ITPR2: variants seen among roughly 807,000 people sequenced by gnomAD.
ITPR2 encodes the protein inositol 1,4,5-trisphosphate receptor type 2.
Under a neutral mutation model 317.1 loss-of-function variants are expected in ITPR2, and 207 were observed. The ratio of observed to expected loss-of-function variants is 0.65; its 90% CI spans 0.58 to 0.73. The LOEUF is 0.73. Among genes scored for constraint, ITPR2 ranks in the 30% least tolerant of loss-of-function variants. The pLI, the probability that ITPR2 is intolerant of heterozygous loss-of-function variation, is 0.00. For missense variants in ITPR2, 2,613 were observed against 3,284.0 expected, an observed-to-expected ratio of 0.80 and a Z score of 4.99; for synonymous variants, 1,156 against 1,149.1, an observed-to-expected ratio of 1.01 and a Z score of -0.12.
chr12:26,670,877 A>C (rs1286687511), intron 13 of ITPR2, among the ~76,000 whole-genome samples: 3 of 152,264 alleles, frequency 2.0e-5, no homozygotes, highest in Non-Finnish European at 4.4e-5. Context: ...GCTGAAAGCC[A>C]AGGCTCGAGA....
intron 34 of ITPR2, among the ~76,000 whole-genome samples, chr12:26,562,664 C>T (rs1025808507): frequency 2.0e-5 from 3 of 150,294 alleles, no homozygotes; most frequent in African/African-American, 4.9e-5. Flanking sequence ...TCAACCAAAA[C>T]AAAGTGCAGC....
intron 2 of ITPR2, among the ~76,000 whole-genome samples, chr12:26,766,718 C>G (rs1322626729): frequency 6.6e-6 from 1 of 152,094 alleles, no homozygotes; most frequent in Non-Finnish European, 1.5e-5. Context: ...CAGATTTACT[C>G]CTGTGTTTGC....
At chr12:26,519,444 C>T (rs1461937699) in intron 37 of ITPR2, among the ~76,000 whole-genome samples, 1 of 152,128 alleles carries the variant, frequency 6.6e-6, no homozygotes, top group Non-Finnish European at 1.5e-5. Context: ...TTTACAGATG[C>T]TGAAGAACCA....
At chr12:26,699,093 C>G (rs951914961) in intron 9 of ITPR2, among the ~76,000 whole-genome samples, 2 of 151,786 alleles carry the variant, frequency 1.3e-5, no homozygotes, top group Non-Finnish European at 2.9e-5. Context: ...TACCTTATGG[C>G]CCAAGTTTTC....
At chr12:26,540,955 T>C (rs997447960) in intron 37 of ITPR2, among the ~76,000 whole-genome samples, 6 of 152,062 alleles carry the variant, frequency 3.9e-5, no homozygotes, top group African/African-American at 1.4e-4. Context: ...TGTCTTATTA[T>C]AAGAACACAT....
At chr12:26,633,970 T>G (rs1946808232) in intron 21 of ITPR2, among the ~76,000 whole-genome samples, 1 of 152,212 alleles carries the variant, frequency 6.6e-6, no homozygotes, top group Admixed American at 6.5e-5. Flanking sequence ...GCCCAGACAA[T>G]TCTTTCCCCC....
rs1940742410 is a variant in ITPR2, at chr12:26,417,082, C to T, written c.7111-1584G>A. ...GGTTTTTATTATTCTGGATAAAAGA[C>T]TGACAATTGTGGGTACAACAGGGAA... On this transcript the variant is annotated intron_variant, in intron 50 of 56. Transcript: ENST00000381340. Among the ~76,000 whole-genome samples, 6 of 152,138 alleles carry T rather than the reference C, an allele frequency of 3.9e-5. No homozygotes were observed. The South Asian group carries it at 1.2e-3, about 32-fold the overall frequency.
chr12:26,507,853 C>CTGTGTGTGTGTG lies in ITPR2; in HGVS notation c.5074-12594_5074-12593insCACACACACACA, dbSNP rs541133629. Reference sequence around the variant, plus strand: ...TCAATGAATATCTCTCTACTCTTCTCTCTCTGTCTCTGTGTGTGTGTGTGT... The same window carrying CTGTGTGTGTGTG: ...TCAATGAATATCTCTCTACTCTTCTCTGTGTGTGTGTGTCTCTGTCTCTGTGTGTGTGTGTGT... On this transcript the variant is annotated intron_variant, in intron 37 of 56. Coordinates refer to ENST00000381340, the MANE Select transcript of ITPR2 (RefSeq NM_002223.4). 5.9e-3 allele frequency among the ~76,000 whole-genome samples: 631 copies of CTGTGTGTGTGTG among 107,404 alleles called. 5 individuals are homozygous for CTGTGTGTGTGTG. Among genetic ancestry groups the CTGTGTGTGTGTG allele is most frequent in the Non-Finnish European group, 1.0e-2 (447 of 44,756 alleles). The allele number at this position is 107,404 out of a possible 152,430, so 70.5% of individuals were successfully genotyped here. A position where few individuals can be genotyped will look rare whatever the true frequency, so the allele number is the denominator to read the frequency against.
chr12:26,516,285 G>GGAAAGGAAAGGAAAGGAAAGGAAAGGAAA (rs1943504362), intron 37 of ITPR2, among the ~76,000 whole-genome samples: 3 of 42,852 alleles, frequency 7.0e-5, no homozygotes, highest in Admixed American at 3.3e-4. Context: ...GGGAAGGGAA[G>GGAAAGGAAAGGAAAGGAAAGGAAAGGAAA]GGAAAGGAAA....
rs527542904 is a variant in ITPR2, at chr12:26,715,419, C to T, written c.735G>A (p.Ala245=). The change falls in exon 8 of 57, where the codon GCG becomes GCA. Residue 245 remains alanine (A), a synonymous_variant. Transcript: ENST00000381340. The part of the protein sequence containing the change: ...KGGDVVRLFH[A]EQEKFLTCDE... ...CACAAGTCAAAAACTTCTCTTGTTC[C>T]GCATGAAATAATCTAACAACGTCCC... 5.0e-6 allele frequency: 8 copies of T among 1,613,178 alleles called. No homozygotes were observed. Among genetic ancestry groups the T allele is most frequent in the South Asian group, 2.2e-5 (2 of 91,000 alleles).
At chr12:26,365,420 C>T (rs943835179) in intron 55 of ITPR2, among the ~76,000 whole-genome samples, 62 of 152,016 alleles carry the variant, frequency 4.1e-4, no homozygotes, top group African/African-American at 1.3e-3. Context: ...TTCTCCTTGG[C>T]GTACTGTATC....
chr12:26,713,757 C>T (rs1285964952), intron 8 of ITPR2, among the ~76,000 whole-genome samples: 1 of 151,880 alleles, frequency 6.6e-6, no homozygotes, highest in Non-Finnish European at 1.5e-5. Context: ...AATAATATCT[C>T]ATCTTATTGC....
intron 23 of ITPR2, among the ~76,000 whole-genome samples, chr12:26,626,649 T>C (rs1394633294): frequency 6.6e-6 from 1 of 152,248 alleles, no homozygotes; most frequent in African/African-American, 2.4e-5. Context: ...AGAAGAGAAG[T>C]CTTGCTTAGA....
At chr12:26,700,903 A>C (rs1327381084) in intron 9 of ITPR2, among the ~76,000 whole-genome samples, 1 of 152,106 alleles carries the variant, frequency 6.6e-6, no homozygotes. Context: ...GTTTATCATG[A>C]CTCTCAAGTC....
chr12:26,442,954 G>A (rs1463561995), intron 46 of ITPR2, among the ~76,000 whole-genome samples: 1 of 152,110 alleles, frequency 6.6e-6, no homozygotes, highest in Non-Finnish European at 1.5e-5. Context: ...GTAAATGACA[G>A]CCAGATGGGT....
At chr12:26,393,263 A>G (rs1031230539) in intron 54 of ITPR2, among the ~76,000 whole-genome samples, 28 of 152,236 alleles carry the variant, frequency 1.8e-4, no homozygotes, top group African/African-American at 6.5e-4. Context: ...CAACTTTACC[A>G]GGAACCATGT....
At chr12:26,694,146 C>A (rs567064209) in intron 10 of ITPR2, among the ~76,000 whole-genome samples, 1 of 152,222 alleles carries the variant, frequency 6.6e-6, no homozygotes, top group African/African-American at 2.4e-5. Flanking sequence ...CAAGGCCATA[C>A]TGTTCTCTGT....
At chr12:26,539,415 G>GT (rs879422385) in intron 37 of ITPR2, among the ~76,000 whole-genome samples, 81 of 149,214 alleles carry the variant, frequency 5.4e-4, no homozygotes, top group Middle Eastern at 6.9e-3. Context: ...TTTATAGTAA[G>GT]TTTTTTTTTT....
intron 1 of ITPR2, among the ~76,000 whole-genome samples, chr12:26,810,003 C>T (rs1253394969): frequency 6.6e-6 from 1 of 152,234 alleles, no homozygotes; most frequent in Non-Finnish European, 1.5e-5. Flanking sequence ...GGATTGTACA[C>T]TAAGGGCTTT....
Sources: allele counts gnomAD v4.1 joint callset (sites outside exome capture counted in the v4.1 genomes callset), GRCh38; gene constraint gnomAD v4.1.1; transcripts MANE v1.5; gene names NCBI Gene and HGNC (gene_info 2026-07-23, HGNC 2026-07-21).